The following PCP4 variants were observed in gnomAD, a reference collection of about 807,000 sequenced individuals.
PCP4 encodes the protein Purkinje cell protein 4.
Under a neutral mutation model 10.0 loss-of-function variants are expected in PCP4, and 8 were observed. That is an observed-to-expected ratio of 0.80 (90% CI 0.47 to 1.45). PCP4 has a LOEUF of 1.45. PCP4 is among the 40% of genes most tolerant of loss of function. The probability of loss-of-function intolerance (pLI) is 0.00; values close to 1 mark genes in which losing one functional copy is unlikely to be tolerated. For synonymous variants in PCP4, 21 were observed against 23.0 expected (o/e 0.91, Z 0.24); for missense variants, 54 against 74.4 (o/e 0.73, Z 1.01).
chr21:39,877,507 C>G (rs532015774), intron 1 of PCP4, among the ~76,000 whole-genome samples: 1 of 150,096 alleles, frequency 6.7e-6, no homozygotes, highest in Non-Finnish European at 1.5e-5. Context: ...GGCAACATGG[C>G]GAAACCCCGT....
At chr21:39,868,989 G>T (rs546838264) in intron 1 of PCP4, among the ~76,000 whole-genome samples, 1 of 152,336 alleles carries the variant, frequency 6.6e-6, no homozygotes, top group East Asian at 1.9e-4. Context: ...ATGCTAGGAG[G>T]AGGGGCTTTC....
At chr21:39,890,852 A>G (rs1209620306) in intron 1 of PCP4, among the ~76,000 whole-genome samples, 1 of 152,102 alleles carries the variant, frequency 6.6e-6, no homozygotes, top group Non-Finnish European at 1.5e-5. Flanking sequence ...TGATTTTGTA[A>G]TGGATTTCAC....
chr21:39,908,795 C>G (rs977968069), intron 2 of PCP4, among the ~76,000 whole-genome samples: 8 of 152,148 alleles, frequency 5.3e-5, no homozygotes, highest in African/African-American at 1.9e-4. Context: ...GGACTGAGGT[C>G]TCAGAGGAGA....
intron 2 of PCP4, among the ~76,000 whole-genome samples, chr21:39,905,792 T>C (rs541230159): frequency 9.9e-5 from 15 of 152,284 alleles, no homozygotes; most frequent in Admixed American, 2.0e-4. Context: ...ATCATGTCTG[T>C]AATCCCAGCA....
At chr21:39,902,028 A>G (rs150016930) in intron 2 of PCP4, among the ~76,000 whole-genome samples, 88 of 152,282 alleles carry the variant, frequency 5.8e-4, no homozygotes, top group African/African-American at 2.0e-3. Flanking sequence ...TTTCCATTTT[A>G]ACCTAGTATT....
At chr21:39,895,694 A>G (rs1166668435) in intron 1 of PCP4, among the ~76,000 whole-genome samples, 1 of 152,236 alleles carries the variant, frequency 6.6e-6, no homozygotes, top group Non-Finnish European at 1.5e-5. Flanking sequence ...GGATGCTGTC[A>G]GAACTCAATG....
At position 39,929,022 on chromosome 21, in the gene PCP4, A is replaced by G; in HGVS notation, c.100A>G (p.Met34Val). 1.2e-6 allele frequency: 2 copies of G among 1,613,320 alleles called. No individual in the cohort carries two copies. The highest frequency in any genetic ancestry group is 8.5e-7 in the Non-Finnish European group (1 of 1,179,616). The change falls in exon 3 of 3, where the codon ATG becomes GTG. Residue 34 changes from methionine to valine, a missense_variant. Coordinates refer to ENST00000328619, the MANE Select transcript of PCP4 (RefSeq NM_006198.3). ...KKVQEEFDID[M>V]DAPETERAAV... is the part of the protein sequence containing the mutation. Reference sequence around the variant, plus strand: ...AGTTCAAGAAGAATTTGACATTGACATGGATGCACCAGAGACAGAACGTGC... The same window carrying G: ...AGTTCAAGAAGAATTTGACATTGACGTGGATGCACCAGAGACAGAACGTGC...
rs577983558 is a variant in PCP4 at position 39,909,590 on chromosome 21, T to C, written c.61+11063T>C. Among the ~76,000 whole-genome samples the C allele has an allele frequency of 2.6e-5, 4 of 151,966 alleles. No homozygotes were observed. The South Asian group carries it at 8.3e-4, about 32-fold the overall frequency. On this transcript the variant is annotated intron_variant, in intron 2 of 2. Coordinates refer to ENST00000328619, the MANE Select transcript of PCP4 (RefSeq NM_006198.3). ...GATGTGGAATGGTGTAGAACTGTGA[T>C]CAGTGGAAATACGTATTGATTGGAT...
chr21:39,886,421 A>G (rs980602752), intron 1 of PCP4, among the ~76,000 whole-genome samples: 1 of 152,112 alleles, frequency 6.6e-6, no homozygotes, highest in Non-Finnish European at 1.5e-5. Flanking sequence ...AAAATACTAA[A>G]TCTACTAAAA....
rs116755571 is a variant in PCP4, at chr21:39,928,366, G to A, written c.62-618G>A. On this transcript the variant is annotated intron_variant, in intron 2 of 2. Transcript: ENST00000328619. Reference sequence around the variant, plus strand: ...ACCCCCCACTTTGTGTCCTGTCACCGTGTGAATTGGTGAAATCCCTCCACC... The same window carrying A: ...ACCCCCCACTTTGTGTCCTGTCACCATGTGAATTGGTGAAATCCCTCCACC... Among the ~76,000 whole-genome samples, 1,216 of 152,294 alleles carry A rather than the reference G, an allele frequency of 8.0e-3. 16 individuals carry two copies. Among genetic ancestry groups the A allele is most frequent in the African/African-American group, 0.028 (1,165 of 41,552 alleles).
intron 1 of PCP4, among the ~76,000 whole-genome samples, chr21:39,889,411 CTTTTTTTTTTTT>C (rs547540626): frequency 7.0e-5 from 6 of 85,686 alleles, no homozygotes; most frequent in Admixed American, 6.2e-4. Context: ...AAACCAAGTT[CTTTTTTTTTTTT>C]TTTTTTTTTT....
chr21:39,921,363 A>G lies in PCP4; in HGVS notation c.62-7621A>G, dbSNP rs187128222. On this transcript the variant is annotated intron_variant, in intron 2 of 2. Transcript: ENST00000328619. ...CCCAAGTCAGGCTTGGCCAGTCTTC[A>G]CGAGGTGATCTTAAGCGAGGCCCTT... Among the ~76,000 whole-genome samples, 251 of 152,326 alleles carry G rather than the reference A, an allele frequency of 1.6e-3. 1 individual carries two copies. The highest frequency in any genetic ancestry group is 5.8e-3 in the African/African-American group (243 of 41,592).
At chr21:39,892,944 C>T (rs1281155566) in intron 1 of PCP4, among the ~76,000 whole-genome samples, 2 of 152,136 alleles carry the variant, frequency 1.3e-5, no homozygotes, top group South Asian at 4.1e-4. Flanking sequence ...TACAGAAAGA[C>T]AAACATTGCA....
chr21:39,896,443 C>T (rs770830692), intron 1 of PCP4, among the ~76,000 whole-genome samples: 4 of 152,054 alleles, frequency 2.6e-5, no homozygotes, highest in African/African-American at 7.2e-5. Context: ...AGCAAACGTA[C>T]GAGCCTTGTG....
At chr21:39,901,193 A>G (rs1482008720) in intron 2 of PCP4, among the ~76,000 whole-genome samples, 2 of 152,320 alleles carry the variant, frequency 1.3e-5, no homozygotes, top group East Asian at 3.9e-4. Context: ...GATTTAAAAG[A>G]GCAAATAATA....
chr21:39,871,198 T>C (rs1277953458), intron 1 of PCP4, among the ~76,000 whole-genome samples: 1 of 152,262 alleles, frequency 6.6e-6, no homozygotes, highest in Non-Finnish European at 1.5e-5. Flanking sequence ...GTTTTGCCAC[T>C]GATTTTAAAA....
intron 1 of PCP4, chr21:39,883,312 C>T (rs7279307): frequency 0.031 from 4,736 of 152,252 alleles, 246 homozygotes; most frequent in African/African-American, 0.11. Context: ...GGCCCTTTGA[C>T]CCAACCTCTG....
intron 2 of PCP4, among the ~76,000 whole-genome samples, chr21:39,905,642 T>A (rs1283930481): frequency 6.6e-6 from 1 of 152,166 alleles, no homozygotes; most frequent in East Asian, 1.9e-4. Context: ...CTCGGATAAG[T>A]ATGGTGCTTC....
At chr21:39,908,825 C>T (rs1225983247) in intron 2 of PCP4, among the ~76,000 whole-genome samples, 3 of 152,118 alleles carry the variant, frequency 2.0e-5, no homozygotes, top group Admixed American at 1.3e-4. Context: ...TTGCCTCCAC[C>T]CCTGTGGAGA....
Sources: allele counts gnomAD v4.1 joint callset (sites outside exome capture counted in the v4.1 genomes callset), GRCh38; gene constraint gnomAD v4.1.1; transcripts MANE v1.5; gene names NCBI Gene and HGNC (gene_info 2026-07-23, HGNC 2026-07-21).